The following PLCL1 variants were observed in gnomAD, a reference collection of about 807,000 sequenced individuals.
The protein encoded by PLCL1 is inactive phospholipase C-like protein 1.
A neutral mutation model predicts 84.4 loss-of-function variants in PLCL1; 41 were observed. That is an observed-to-expected ratio of 0.49 (90% CI 0.38 to 0.63). The LOEUF is 0.63. Among genes scored for constraint, PLCL1 ranks in the 30% least tolerant of loss-of-function variants. PLCL1 has a pLI of 0.00. For synonymous variants in PLCL1, 490 were observed against 488.3 expected, an observed-to-expected ratio of 1.00 and a Z score of -0.05; for missense variants, 1,206 against 1,367.8, an observed-to-expected ratio of 0.88 and a Z score of 1.87.
chr2:198,114,425 AATAGATGC>A (rs1361794380), intron 5 of PLCL1, among the ~76,000 whole-genome samples: 5 of 151,890 alleles, frequency 3.3e-5, no homozygotes, highest in Non-Finnish European at 5.9e-5. Context: ...GATCCTAATG[AATAGATGC>A]ATCATAGACC....
At chr2:197,853,390 G>C (rs1263730577) in intron 1 of PLCL1, among the ~76,000 whole-genome samples, 1 of 152,150 alleles carries the variant, frequency 6.6e-6, no homozygotes, top group East Asian at 1.9e-4. Context: ...CCCCGGAAGT[G>C]GGATTGCTGG....
At chr2:198,120,021 C>A (rs1559111953) in intron 5 of PLCL1, among the ~76,000 whole-genome samples, 1 of 151,916 alleles carries the variant, frequency 6.6e-6, no homozygotes, top group African/African-American at 2.4e-5. Context: ...TCATATTGGG[C>A]GTTGTGTCCA....
At chr2:197,870,115 G>A (rs912528955) in intron 1 of PLCL1, among the ~76,000 whole-genome samples, 8 of 152,108 alleles carry the variant, frequency 5.3e-5, no homozygotes, top group Non-Finnish European at 1.2e-4. Context: ...CAGTTCTACT[G>A]AACTTTAGCT....
At chr2:197,876,556 T>G (rs1687735600) in intron 1 of PLCL1, among the ~76,000 whole-genome samples, 1 of 152,112 alleles carries the variant, frequency 6.6e-6, no homozygotes, top group Admixed American at 6.6e-5. Flanking sequence ...GTAAACTCCT[T>G]GAAGATAGGA....
intron 1 of PLCL1, among the ~76,000 whole-genome samples, chr2:198,020,381 A>C (rs1454535937): frequency 1.3e-5 from 2 of 152,224 alleles, no homozygotes; most frequent in African/African-American, 4.8e-5. Flanking sequence ...AAGTTCACAC[A>C]TAACAATATT....
rs188385812 is a variant in PLCL1, at chr2:198,110,484, G to C, written c.3105+6548G>C. Among the ~76,000 whole-genome samples the C allele has an allele frequency of 2.6e-3, 392 of 151,960 alleles. 6 individuals are homozygous for C. Among genetic ancestry groups the C allele is most frequent in the Non-Finnish European group, 6.3e-4 (43 of 67,862 alleles). Reference sequence around the variant, plus strand: ...AACAGAGGAAATTACATGGATGTCAGTGTAGAAATACGCTTTCAATTAGAG... The same window carrying C: ...AACAGAGGAAATTACATGGATGTCACTGTAGAAATACGCTTTCAATTAGAG... On this transcript the variant is annotated intron_variant, in intron 5 of 5. Transcript: ENST00000428675.
chr2:198,059,188 G>A (rs1015789810), intron 1 of PLCL1, among the ~76,000 whole-genome samples: 1 of 152,118 alleles, frequency 6.6e-6, no homozygotes, highest in African/African-American at 2.4e-5. Context: ...AGCTTTTGGG[G>A]CATAGCCAAC....
intron 1 of PLCL1, among the ~76,000 whole-genome samples, chr2:197,975,974 A>G (rs989409246): frequency 6.6e-6 from 1 of 152,144 alleles, no homozygotes; most frequent in Non-Finnish European, 1.5e-5. Flanking sequence ...ATACCTTCCT[A>G]GTACACTCTA....
intron 1 of PLCL1, among the ~76,000 whole-genome samples, chr2:198,030,363 C>T (rs1691382009): frequency 6.6e-6 from 1 of 152,026 alleles, no homozygotes; most frequent in Non-Finnish European, 1.5e-5. Context: ...GTAACACTGC[C>T]CGGTGATTGT....
chr2:197,886,910 T>C (rs1454830134), intron 1 of PLCL1, among the ~76,000 whole-genome samples: 2 of 152,158 alleles, frequency 1.3e-5, no homozygotes, highest in East Asian at 1.9e-4. Flanking sequence ...AAGCCTTAGG[T>C]TTTTATATTC....
At chr2:197,929,579 A>G (rs897670236) in intron 1 of PLCL1, among the ~76,000 whole-genome samples, 1 of 152,208 alleles carries the variant, frequency 6.6e-6, no homozygotes, top group African/African-American at 2.4e-5. Context: ...GTACTTCAGA[A>G]GGTTAGGTAG....
intron 1 of PLCL1, among the ~76,000 whole-genome samples, chr2:198,042,130 T>A (rs1200924171): frequency 6.6e-6 from 1 of 152,182 alleles, no homozygotes; most frequent in Non-Finnish European, 1.5e-5. Context: ...TTTTGTTCTT[T>A]GATAAAATGT....
intron 1 of PLCL1, among the ~76,000 whole-genome samples, chr2:198,026,351 G>A (rs1029464821): frequency 6.6e-6 from 1 of 152,158 alleles, no homozygotes; most frequent in Non-Finnish European, 1.5e-5. Context: ...TTTTCATGGA[G>A]CATGTTTTGG....
chr2:197,807,308 T>C (rs1022637220), intron 1 of PLCL1, among the ~76,000 whole-genome samples: 8 of 119,672 alleles, frequency 6.7e-5, no homozygotes, highest in Admixed American at 6.7e-4. Context: ...GATATATCTA[T>C]ATGTGTCTAT....
chr2:198,034,830 G>A (rs1293530684), intron 1 of PLCL1, among the ~76,000 whole-genome samples: 1 of 152,128 alleles, frequency 6.6e-6, no homozygotes, highest in African/African-American at 2.4e-5. Context: ...TTTTAACTTA[G>A]ATCAGTTCTT....
At chr2:197,812,550 G>C (rs1690608755) in intron 1 of PLCL1, among the ~76,000 whole-genome samples, 1 of 152,170 alleles carries the variant, frequency 6.6e-6, no homozygotes. Flanking sequence ...GATTAGTAAT[G>C]ATGAGCATTT....
rs528001986 is a variant in PLCL1, at chr2:197,887,552, A to G, written c.240+82213A>G. Among the ~76,000 whole-genome samples, 261 of 152,294 alleles carry G rather than the reference A, an allele frequency of 1.7e-3. 1 individual carries two copies. Among genetic ancestry groups the G allele is most frequent in the Non-Finnish European group, 3.4e-3 (230 of 68,024 alleles). ...TATGAGAGTAACTTTTTCCTATACC[A>G]TGGTCAATTCGGTATATGAAAAATT... On this transcript the variant is annotated intron_variant, in intron 1 of 5. Transcript: ENST00000428675.
intron 1 of PLCL1, among the ~76,000 whole-genome samples, chr2:198,051,080 C>A (rs1691917036): frequency 6.6e-6 from 1 of 152,074 alleles, no homozygotes; most frequent in South Asian, 2.1e-4. Context: ...GTAGGTTTTC[C>A]TGGCTTGAAC....
At position 197,944,109 on chromosome 2, in the gene PLCL1, C is replaced by A. The variant is rs180925619; in HGVS notation, c.240+138770C>A. 2.1e-3 allele frequency among the ~76,000 whole-genome samples: 321 copies of A among 152,234 alleles called. 2 individuals carry two copies. Among genetic ancestry groups the A allele is most frequent in the African/African-American group, 7.6e-3 (314 of 41,542 alleles). ...TGTAAAATGAATTCTTTAGAGTTTG[C>A]GTATCTGGGTAGATAGCTTGCATAG... On this transcript the variant is annotated intron_variant, in intron 1 of 5. Coordinates refer to ENST00000428675, the MANE Select transcript of PLCL1 (RefSeq NM_006226.4).
Sources: allele counts gnomAD v4.1 joint callset (sites outside exome capture counted in the v4.1 genomes callset), GRCh38; gene constraint gnomAD v4.1.1; transcripts MANE v1.5; gene names NCBI Gene and HGNC (gene_info 2026-07-23, HGNC 2026-07-21).